Variants in FN1 observed in about 807,000 individuals in gnomAD.
FN1 encodes fibronectin 1.
FN1 carries 106 observed loss-of-function variants against 297.3 expected under a neutral mutation model. The ratio of observed to expected loss-of-function variants is 0.36; its 90% CI spans 0.30 to 0.42. FN1 has a LOEUF of 0.42. Among genes scored for constraint, FN1 ranks in the 10% least tolerant of loss-of-function variants. FN1 has a pLI of 1.00. For synonymous variants in FN1, 1,149 were observed against 1,152.6 expected, an observed-to-expected ratio of 1.00 and a Z score of 0.06; for missense variants, 2,690 against 3,124.9, an observed-to-expected ratio of 0.86 and a Z score of 3.32.
chr2:215,373,410 G>A lies in FN1; in HGVS notation c.6159C>T (p.Gly2053=). The change falls in exon 39 of 46, where the codon GGC becomes GGT. Residue 2053 remains glycine (G), a splice_region_variant and synonymous_variant. Transcript: ENST00000354785. ...RPGVTEATIT[G]LEPGTEYTIY... The stretch of plus-strand genomic sequence containing the variant: ...TTGTATATTCGGTTCCCGGTTCCAG[G>A]CCTGAAGGGAGAATAGAACCATCAC... 2 of 1,611,700 alleles carry A rather than the reference G, an allele frequency of 1.2e-6. No homozygotes were observed. Among genetic ancestry groups the A allele is most frequent in the Non-Finnish European group, 1.7e-6 (2 of 1,178,188 alleles).
intron 6 of FN1, 135 bp downstream of exon 6, chr2:215,428,045 G>A: frequency 9.2e-7 from 1 of 1,090,082 alleles, no homozygotes; most frequent in South Asian, 1.3e-5. Context: ...AACCAATAAT[G>A]TGTAAATTAT....
chr2:215,389,423 C>T (rs1250453181), intron 26 of FN1, among the ~76,000 whole-genome samples: 3 of 141,662 alleles, frequency 2.1e-5, no homozygotes, highest in African/African-American at 3.1e-5. Flanking sequence ...TTTTGATACA[C>T]AGTCAGGCAT....
At chr2:215,370,737 G>C (rs1227488755) in intron 40 of FN1, among the ~76,000 whole-genome samples, 1 of 152,040 alleles carries the variant, frequency 6.6e-6, no homozygotes, top group Admixed American at 6.5e-5. Context: ...TTCAGTCGCA[G>C]GTCTGCATAA....
intron 41 of FN1, 94 bp from the exon 42 acceptor site, chr2:215,368,121 A>G: frequency 7.7e-7 from 1 of 1,293,290 alleles, no homozygotes; most frequent in South Asian, 1.2e-5. Context: ...CAATGACTTA[A>G]TCTAAAACAA....
chr2:215,373,368 C>T lies in FN1; in HGVS notation c.6201G>A (p.Leu2067=). 3 of 1,613,510 alleles carry T rather than the reference C, an allele frequency of 1.9e-6. No homozygotes were observed. Among genetic ancestry groups the T allele is most frequent in the South Asian group, 1.1e-5 (1 of 91,068 alleles). ...GTEYTIYVIA[L]KNNQKSEPLI... is the part of the protein sequence containing the mutation. ...GGGGCTCGCTCTTCTGATTATTCTT[C>T]AGGGCAATGACATAAATTGTATATT... The change falls in exon 39 of 46, where the codon CTG becomes CTA. Residue 2067 remains leucine (L), a synonymous_variant. Transcript: ENST00000354785.
At chr2:215,421,953 T>C (rs573211558) in intron 10 of FN1, 138 bp downstream of exon 10, 5 of 846,482 alleles carry the variant, frequency 5.9e-6, no homozygotes, top group Non-Finnish European at 9.9e-6. Context: ...TATCTTACCA[T>C]GCACAGTAGA....
chr2:215,392,052 A>C, intron 25 of FN1: 1 of 502,828 alleles, frequency 2.0e-6, no homozygotes. Context: ...ATTTAAAAAA[A>C]ATTTTAATCT....
At chr2:215,401,500 T>G (rs760260980) in intron 20 of FN1, among the ~76,000 whole-genome samples, 76 of 152,192 alleles carry the variant, frequency 5.0e-4, no homozygotes, top group Non-Finnish European at 1.0e-4. Flanking sequence ...ATCAAGTGTG[T>G]TCATAGCTCT....
intron 27 of FN1, among the ~76,000 whole-genome samples, chr2:215,387,804 T>G (rs1419687474): frequency 6.6e-6 from 1 of 152,222 alleles, no homozygotes; most frequent in Non-Finnish European, 1.5e-5. Flanking sequence ...CAATTCAACT[T>G]CCTTCTAGTA....
At chr2:215,371,673 C>CTT (rs11358448) in intron 40 of FN1, among the ~76,000 whole-genome samples, 7 of 109,012 alleles carry the variant, frequency 6.4e-5, no homozygotes, top group African/African-American at 2.2e-4. Context: ...AGTGGAGCCA[C>CTT]TTTTTTTTTT....
At position 215,397,687 on chromosome 2, in the gene FN1, C is replaced by T; in HGVS notation, c.3510G>A (p.Val1170=). The change falls in exon 22 of 46, where the codon GTG becomes GTA. Residue 1170 remains valine, a synonymous_variant. Coordinates refer to ENST00000354785, the MANE Select transcript of FN1 (RefSeq NM_212482.4). ...QERDAPIVNK[V]VTPLSPPTNL... ...GGAAAAAATTCTTCTTACGTGTCACCACTTTGTTTACAATTGGCGCATCTC... is the reference window on the plus strand; with the variant it reads ...GGAAAAAATTCTTCTTACGTGTCACTACTTTGTTTACAATTGGCGCATCTC... 2 of 1,613,976 alleles carry T rather than the reference C, an allele frequency of 1.2e-6. No homozygotes were observed. Among genetic ancestry groups the T allele is most frequent in the South Asian group, 1.1e-5 (1 of 91,068 alleles).
At chr2:215,402,198 G>C (rs1247916429) in intron 20 of FN1, among the ~76,000 whole-genome samples, 1 of 152,024 alleles carries the variant, frequency 6.6e-6, no homozygotes, top group Non-Finnish European at 1.5e-5. Context: ...TCTATTGCTT[G>C]AGCCAGCCAC....
intron 13 of FN1, among the ~76,000 whole-genome samples, chr2:215,412,782 T>TTTTTTA (rs869251449): frequency 1.2e-4 from 16 of 134,548 alleles, no homozygotes; most frequent in Non-Finnish European, 9.6e-5. Flanking sequence ...TTTTTTTTTT[T>TTTTTTA]ACTTCATCAG....
chr2:215,400,751 CAAAAAA>C (rs1175226865), intron 20 of FN1, among the ~76,000 whole-genome samples: 20 of 56,220 alleles, frequency 3.6e-4, no homozygotes, highest in Admixed American at 1.5e-3. Context: ...GGCTCCATCT[CAAAAAA>C]AAAAAAAAAA....
In FN1 at chr2:215,407,150, T is replaced by C; in HGVS notation, c.2690A>G (p.Glu897Gly). Residue 897 changes from glutamate (E) to glycine (G), a missense_variant, in exon 18 of 46, where the codon GAA becomes GGA. By Grantham distance (98) the Glu-to-Gly change is moderately conservative. Transcript: ENST00000354785. ...QESTPVVIQQETTGTPRSDTV... is the reference protein window; with the variant it reads ...QESTPVVIQQGTTGTPRSDTV... ...ACCTGAGCGTGGGGTGCCAGTGGTT[T>C]CTTGTTGAATGACAACAGGTGTACT... 1 of 1,614,146 alleles carries C rather than the reference T, an allele frequency of 6.2e-7. No homozygotes were observed. Among genetic ancestry groups the C allele is most frequent in the East Asian group, 2.2e-5 (1 of 44,882 alleles).
At chr2:215,426,310 G>T (rs927411768) in intron 6 of FN1, among the ~76,000 whole-genome samples, 1 of 151,012 alleles carries the variant, frequency 6.6e-6, no homozygotes, top group Non-Finnish European at 1.5e-5. Flanking sequence ...CACCACGCCC[G>T]GCTAATTTTT....
intron 6 of FN1, among the ~76,000 whole-genome samples, chr2:215,426,180 A>C (rs1426015058): frequency 8.4e-6 from 1 of 118,526 alleles, no homozygotes; most frequent in Admixed American, 1.2e-4. Context: ...ACGGAGTCTC[A>C]CTCTGTCACC....
chr2:215,417,682 A>C (rs1016797790), intron 12 of FN1, among the ~76,000 whole-genome samples: 5 of 152,220 alleles, frequency 3.3e-5, no homozygotes, highest in African/African-American at 1.2e-4. Flanking sequence ...ATCTGAGGTC[A>C]AATTCCAATC....
chr2:215,433,701 T>C (rs1016822559), intron 2 of FN1, among the ~76,000 whole-genome samples: 9 of 152,218 alleles, frequency 5.9e-5, no homozygotes, highest in African/African-American at 1.4e-4. Context: ...AATCTCAGGC[T>C]CTTAGGAAAA....
Sources: gnomAD v4.1 joint callset for allele counts (sites outside exome capture counted in the v4.1 genomes callset) on GRCh38, gnomAD v4.1.1 for gene constraint, MANE v1.5 for transcripts, NCBI Gene and HGNC (gene_info 2026-07-23, HGNC 2026-07-21) for gene names.